Variants in SMOC2 observed in about 807,000 individuals in gnomAD.
SMOC2 encodes the protein SPARC-related modular calcium-binding protein 2.
In SMOC2, 39 loss-of-function variants were observed where a neutral mutation model predicts 61.4. The observed-to-expected ratio is 0.64, with a 90% confidence interval of 0.49 to 0.83. The LOEUF (loss-of-function observed/expected upper bound fraction) is 0.83. Among genes scored for constraint, SMOC2 ranks in the 40% least tolerant of loss-of-function variants. The pLI is 0.00. For missense variants in SMOC2, 556 were observed against 592.9 expected (o/e 0.94, Z 0.65); for synonymous variants, 247 against 239.9 (o/e 1.03, Z -0.27).
intron 7 of SMOC2, among the ~76,000 whole-genome samples, chr6:168,574,921 C>T (rs568883680): frequency 2.5e-4 from 38 of 152,294 alleles, no homozygotes; most frequent in African/African-American, 6.5e-4. Flanking sequence ...GACTTCGTGC[C>T]GGGGTGCGGG....
rs759176515 is a variant in SMOC2 at position 168,667,743 on chromosome 6, CCT to C, written c.*1306_*1307del. The C allele has an allele frequency of 1.3e-5, 2 of 152,256 alleles. No homozygotes were observed. The highest frequency in any genetic ancestry group is 2.9e-5 in the Non-Finnish European group (2 of 68,032). The allele number at this position is 152,256 out of a possible 1,614,324, so 9.4% of individuals were successfully genotyped here. The stretch of plus-strand genomic sequence containing the variant: ...AAAAGATCTTCATGGCCCCAAATCC[CCT>C]GAGACATGCCTTGTAGAATGATTTT... On this transcript the variant is annotated 3_prime_UTR_variant, in exon 13 of 13. Coordinates refer to ENST00000356284, the MANE Select transcript of SMOC2 (RefSeq NM_001166412.2).
At chr6:168,443,460 G>C (rs2114986636) in intron 1 of SMOC2, among the ~76,000 whole-genome samples, 1 of 152,318 alleles carries the variant, frequency 6.6e-6, no homozygotes, top group East Asian at 1.9e-4. Flanking sequence ...CCTGTTGGCT[G>C]CATTCCCCAA....
At chr6:168,636,676 T>TA (rs1786730323) in intron 9 of SMOC2, among the ~76,000 whole-genome samples, 1 of 152,190 alleles carries the variant, frequency 6.6e-6, no homozygotes, top group Non-Finnish European at 1.5e-5. Context: ...CAGACAAAGG[T>TA]ATCTCTCTGT....
At chr6:168,539,225 A>G (rs767854867) in intron 4 of SMOC2, among the ~76,000 whole-genome samples, 18 of 152,214 alleles carry the variant, frequency 1.2e-4, no homozygotes, top group Admixed American at 3.9e-4. Flanking sequence ...CAAAAAACTT[A>G]AATTTTATTT....
intron 7 of SMOC2, among the ~76,000 whole-genome samples, chr6:168,571,334 A>G (rs1583120599): frequency 6.6e-6 from 1 of 152,226 alleles, no homozygotes; most frequent in African/African-American, 2.4e-5. Context: ...TCTGTTACGC[A>G]GTGCTGCACC....
chr6:168,506,656 C>T (rs1484596411), intron 1 of SMOC2, among the ~76,000 whole-genome samples: 1 of 152,166 alleles, frequency 6.6e-6, no homozygotes, highest in African/African-American at 2.4e-5. Flanking sequence ...GCCCTCCCCC[C>T]CACCACTTCC....
intron 4 of SMOC2, among the ~76,000 whole-genome samples, chr6:168,540,132 T>C (rs1783845340): frequency 6.6e-6 from 1 of 152,192 alleles, no homozygotes; most frequent in Admixed American, 6.5e-5. Flanking sequence ...CCTCCCCAAA[T>C]TGGACTAAAG....
intron 1 of SMOC2, among the ~76,000 whole-genome samples, chr6:168,497,028 G>A (rs574926740): frequency 6.6e-6 from 1 of 152,350 alleles, no homozygotes; most frequent in South Asian, 2.1e-4. Context: ...GGCTAGAGGG[G>A]GCTCTGTGGC....
intron 1 of SMOC2, among the ~76,000 whole-genome samples, chr6:168,463,833 T>C (rs1583034485): frequency 6.6e-6 from 1 of 152,148 alleles, no homozygotes; most frequent in East Asian, 1.9e-4. Flanking sequence ...TGTAGAGACG[T>C]CGGCTGAGAT....
intron 1 of SMOC2, among the ~76,000 whole-genome samples, chr6:168,478,067 A>G (rs1458731964): frequency 1.3e-5 from 2 of 152,154 alleles, no homozygotes; most frequent in African/African-American, 4.8e-5. Context: ...AAGGCATGCC[A>G]TGCTCTGACA....
intron 1 of SMOC2, among the ~76,000 whole-genome samples, chr6:168,456,691 C>T (rs887623960): frequency 2.6e-5 from 4 of 152,332 alleles, no homozygotes; most frequent in African/African-American, 9.6e-5. Context: ...TCAGAGAAGC[C>T]TCCTTACATT....
intron 8 of SMOC2, among the ~76,000 whole-genome samples, chr6:168,607,587 T>C (rs770702749): frequency 7.0e-6 from 1 of 141,948 alleles, no homozygotes; most frequent in East Asian, 2.3e-4. Flanking sequence ...AGAGAGTCGT[T>C]TTTTTTTTTT....
chr6:168,609,357 T>G (rs1252654270), intron 9 of SMOC2, among the ~76,000 whole-genome samples: 3 of 152,188 alleles, frequency 2.0e-5, no homozygotes, highest in Non-Finnish European at 4.4e-5. Context: ...TCTAGTAATT[T>G]TTTTTTAATG....
chr6:168,567,247 G>A (rs1477097152), intron 7 of SMOC2, among the ~76,000 whole-genome samples: 1 of 152,060 alleles, frequency 6.6e-6, no homozygotes, highest in Non-Finnish European at 1.5e-5. Flanking sequence ...GATTTTATTG[G>A]CTCAATAATT....
At chr6:168,653,559 T>C (rs1440920586) in intron 11 of SMOC2, among the ~76,000 whole-genome samples, 1 of 152,186 alleles carries the variant, frequency 6.6e-6, no homozygotes, top group Non-Finnish European at 1.5e-5. Flanking sequence ...ACCACTGGAA[T>C]AACCAACCCT....
intron 9 of SMOC2, among the ~76,000 whole-genome samples, chr6:168,649,649 A>G (rs990298641): frequency 6.6e-6 from 1 of 152,146 alleles, no homozygotes; most frequent in African/African-American, 2.4e-5. Flanking sequence ...GGAATCGGCA[A>G]ATTTTGCTCC....
intron 7 of SMOC2, among the ~76,000 whole-genome samples, chr6:168,589,305 A>G (rs983394445): frequency 1.3e-5 from 2 of 152,282 alleles, no homozygotes; most frequent in African/African-American, 2.4e-5. Flanking sequence ...TTCTTTAAAA[A>G]CAAGGTATGT....
intron 9 of SMOC2, among the ~76,000 whole-genome samples, chr6:168,632,229 A>G (rs936267418): frequency 1.3e-5 from 2 of 152,224 alleles, no homozygotes; most frequent in Non-Finnish European, 2.9e-5. Flanking sequence ...CAGAAGTGAC[A>G]TTCATATTAA....
intron 1 of SMOC2, among the ~76,000 whole-genome samples, chr6:168,497,840 TG>T (rs879641508): frequency 1.3e-5 from 2 of 152,192 alleles, no homozygotes; most frequent in East Asian, 1.9e-4. Context: ...ACTGTGATGA[TG>T]GGGGGTGCTG....
Sources: allele counts gnomAD v4.1 joint callset (sites outside exome capture counted in the v4.1 genomes callset), GRCh38; gene constraint gnomAD v4.1.1; transcripts MANE v1.5; gene names NCBI Gene and HGNC (gene_info 2026-07-23, HGNC 2026-07-21).